Variants in CCS observed in about 807,000 individuals in gnomAD.
CCS encodes the protein copper chaperone for superoxide dismutase, also known as superoxide dismutase copper chaperone.
In CCS, 32 loss-of-function variants were observed where a neutral mutation model predicts 35.5. The ratio of observed to expected loss-of-function variants is 0.90; its 90% CI spans 0.68 to 1.21. The LOEUF (loss-of-function observed/expected upper bound fraction) is 1.21. Among genes scored for constraint, CCS ranks in the 50% most tolerant of loss-of-function variants. The pLI, the probability that CCS is intolerant of heterozygous loss-of-function variation, is 0.00. For synonymous variants in CCS, 130 were observed against 147.2 expected, an observed-to-expected ratio of 0.88 and a Z score of 0.84; for missense variants, 342 against 375.4, an observed-to-expected ratio of 0.91 and a Z score of 0.73.
At chr11:66,601,615 C>G (rs1858572753) in intron 5 of CCS, among the ~76,000 whole-genome samples, 1 of 151,902 alleles carries the variant, frequency 6.6e-6, no homozygotes, top group Admixed American at 6.6e-5. Flanking sequence ...GTTGCCCATG[C>G]TGGAGTGCAG....
At chr11:66,594,303 T>C (rs2134977226) in intron 2 of CCS, among the ~76,000 whole-genome samples, 1 of 151,822 alleles carries the variant, frequency 6.6e-6, no homozygotes, top group Middle Eastern at 3.4e-3. Flanking sequence ...AGCTTGCAGT[T>C]AGCCGAGATC....
intron 5 of CCS, among the ~76,000 whole-genome samples, chr11:66,603,626 C>G (rs1384462514): frequency 6.6e-6 from 1 of 152,194 alleles, no homozygotes; most frequent in Admixed American, 6.6e-5. Context: ...GCGGGCAGAT[C>G]ACAAGGTCAG....
chr11:66,595,599 A>G (rs1202855921), intron 2 of CCS, among the ~76,000 whole-genome samples: 1 of 151,964 alleles, frequency 6.6e-6, no homozygotes, highest in Non-Finnish European at 1.5e-5. Context: ...CCTTCTCAGG[A>G]GGTAAGCAGG....
At chr11:66,602,987 C>T (rs984450559) in intron 5 of CCS, among the ~76,000 whole-genome samples, 1 of 152,220 alleles carries the variant, frequency 6.6e-6, no homozygotes, top group African/African-American at 2.4e-5. Context: ...TCTAAGCTCC[C>T]TTCTGTTCTC....
intron 2 of CCS, among the ~76,000 whole-genome samples, chr11:66,594,306 C>A (rs1858436036): frequency 6.6e-6 from 1 of 152,100 alleles, no homozygotes; most frequent in Non-Finnish European, 1.5e-5. Flanking sequence ...TTGCAGTTAG[C>A]CGAGATCGCG....
chr11:66,598,618 G>A (rs1590829393), intron 2 of CCS, among the ~76,000 whole-genome samples: 2 of 151,212 alleles, frequency 1.3e-5, no homozygotes, highest in African/African-American at 4.8e-5. Context: ...TATATATGTG[G>A]CTTTGTGACT....
Position 66,593,723 on chromosome 11 carries a change from A to G in CCS, c.112+9A>G. The G allele has an allele frequency of 1.2e-6, 2 of 1,613,886 alleles. No homozygotes were observed. The highest frequency in any genetic ancestry group is 2.2e-5 in the South Asian group (2 of 91,080). ...CCTGCAAGGGGTGGCAGGTAAGAACAGGGTAAACTTTTCTGCAGACAGTCC... is the reference window on the plus strand; with the variant it reads ...CCTGCAAGGGGTGGCAGGTAAGAACGGGGTAAACTTTTCTGCAGACAGTCC... On this transcript the variant is annotated intron_variant, in intron 2 of 7. Transcript: ENST00000533244.
intron 5 of CCS, among the ~76,000 whole-genome samples, chr11:66,600,861 G>GTATT (rs1858561928): frequency 1.3e-5 from 2 of 152,156 alleles, no homozygotes; most frequent in Admixed American, 1.3e-4. Context: ...AGCCCACAGT[G>GTATT]AATAGTTCAT....
At chr11:66,595,103 G>A (rs1217217880) in intron 2 of CCS, among the ~76,000 whole-genome samples, 3 of 152,158 alleles carry the variant, frequency 2.0e-5, no homozygotes, top group Non-Finnish European at 4.4e-5. Context: ...TACTTTTTGT[G>A]TCTCTGTTTC....
intron 5 of CCS, among the ~76,000 whole-genome samples, chr11:66,601,009 A>G (rs1465230596): frequency 2.6e-5 from 4 of 152,164 alleles, no homozygotes; most frequent in African/African-American, 7.2e-5. Context: ...TCATTTCCCA[A>G]TCTTCAGGGA....
Position 66,605,709 on chromosome 11 carries a change from T to A in CCS, c.679T>A (p.Cys227Ser), listed in dbSNP as rs996714499. Residue 227 changes from cysteine (C) to serine (S), a missense_variant, in exon 8 of 8, where the codon TGT (cysteine) becomes AGT (serine). By Grantham distance (112) the Cys-to-Ser change is moderately radical (BLOSUM62 -1). Coordinates refer to ENST00000533244, the MANE Select transcript of CCS (RefSeq NM_005125.2). ...ITGNSGERLA[C>S]GIIARSAGLF... ...CCACACATTCTTCTGCAGGTTGGCC[T>A]GTGGCATCATTGCACGCTCCGCTGG... 11 of 1,582,914 alleles carry A rather than the reference T, an allele frequency of 6.9e-6. No individual in the cohort carries two copies. The Admixed American group carries it at 1.8e-4, about 26-fold the overall frequency.
chr11:66,596,628 C>T (rs939602861), intron 2 of CCS, among the ~76,000 whole-genome samples: 3 of 152,172 alleles, frequency 2.0e-5, no homozygotes, highest in Non-Finnish European at 4.4e-5. Flanking sequence ...GATCCACCCA[C>T]CTTGGCCTCC....
Position 66,605,688 on chromosome 11 carries a change from A to G in CCS, c.672-14A>G. 1 of 1,574,930 alleles carries G rather than the reference A, an allele frequency of 6.3e-7. No individual in the cohort carries two copies. The highest frequency in any genetic ancestry group is 8.6e-7 in the Non-Finnish European group (1 of 1,159,082). On this transcript the variant is annotated splice_polypyrimidine_tract_variant and intron_variant, in intron 7 of 7. Transcript: ENST00000533244. Reference sequence around the variant, plus strand: ...CAAACAGGTACCCACCCCTGACCACACATTCTTCTGCAGGTTGGCCTGTGG... The same window carrying G: ...CAAACAGGTACCCACCCCTGACCACGCATTCTTCTGCAGGTTGGCCTGTGG...
At chr11:66,605,463 T>C in intron 6 of CCS, 26 bp from the exon 7 acceptor site, 1 of 1,613,656 alleles carries the variant, frequency 6.2e-7, no homozygotes, top group Non-Finnish European at 8.5e-7. Flanking sequence ...GGGTCCATCA[T>C]CTGAAGCTGT....
At chr11:66,605,255 G>A (rs771043928) in intron 5 of CCS, 84 bp from the exon 6 acceptor site, 38 of 1,584,456 alleles carry the variant, frequency 2.4e-5, no homozygotes, top group Non-Finnish European at 3.2e-5. Flanking sequence ...AGCAGGAAGA[G>A]GCGTCGGAAT....
chr11:66,605,787 GA>G lies in CCS; in HGVS notation c.758del (p.Glu253GlyfsTer?). ...ICSCDGLTIW[E>X]ERGRPIAGKG... ...CTCTTGCGATGGCCTCACCATCTGG[GA>G]GGAGCGAGGCCGGCCCATCGCTGGC... On this transcript the variant is annotated frameshift_variant, in exon 8 of 8. Transcript: ENST00000533244. LOFTEE classifies it high-confidence loss of function. The G allele has an allele frequency of 6.2e-7, 1 of 1,607,072 alleles. No homozygotes were observed. The highest frequency in any genetic ancestry group is 8.5e-7 in the Non-Finnish European group (1 of 1,176,268).
chr11:66,599,036 A>G, intron 2 of CCS, 80 bp from the exon 3 acceptor site: 1 of 1,569,134 alleles, frequency 6.4e-7, no homozygotes, highest in Middle Eastern at 1.7e-4. Flanking sequence ...GGGATGGAGA[A>G]TTGCTGTCTG....
At chr11:66,601,923 G>A (rs1317794111) in intron 5 of CCS, among the ~76,000 whole-genome samples, 2 of 150,746 alleles carry the variant, frequency 1.3e-5, no homozygotes, top group Non-Finnish European at 2.9e-5. Flanking sequence ...TAGTAGAAAC[G>A]AGGTTTTGCC....
intron 5 of CCS, among the ~76,000 whole-genome samples, chr11:66,602,506 T>C (rs984502811): frequency 1.3e-5 from 2 of 152,230 alleles, no homozygotes; most frequent in African/African-American, 4.8e-5. Flanking sequence ...CCACATTCTT[T>C]TTGTAACCTA....
Sources: allele counts gnomAD v4.1 joint callset (sites outside exome capture counted in the v4.1 genomes callset), GRCh38; gene constraint gnomAD v4.1.1; transcripts MANE v1.5; gene names NCBI Gene and HGNC (gene_info 2026-07-23, HGNC 2026-07-21).